KLRF1: variants seen among roughly 807,000 people sequenced by gnomAD.
KLRF1 encodes the protein killer cell lectin like receptor F1.
In KLRF1, 27 loss-of-function variants were observed where a neutral mutation model predicts 30.7. The observed-to-expected ratio is 0.88, with a 90% confidence interval of 0.65 to 1.21. The LOEUF is 1.21. Ranked by LOEUF, KLRF1 falls within the 50% of genes most tolerant of loss-of-function variation. KLRF1 has a pLI of 0.00. For missense variants in KLRF1, 246 were observed against 259.3 expected (o/e 0.95, Z 0.35); for synonymous variants, 92 against 89.3 (o/e 1.03, Z -0.17).
the KLRF1 span, among the ~76,000 whole-genome samples, chr12:9,816,547 CT>C: frequency 2.5e-3 from 353 of 143,318 alleles, no homozygotes; most frequent in East Asian, 0.011. Flanking sequence ...CAAGTAACTT[CT>C]TTTTTTTTTT....
chr12:9,830,769 A>G (rs1867402614), intron 1 of KLRF1, among the ~76,000 whole-genome samples: 1 of 151,914 alleles, frequency 6.6e-6, no homozygotes, highest in Admixed American at 6.6e-5. Flanking sequence ...TAATGTATTT[A>G]CCATTTTTGT....
chr12:9,842,198 G>A, intron 4 of KLRF1, 123 bp from the exon 5 acceptor site: 1 of 977,092 alleles, frequency 1.0e-6, no homozygotes, highest in East Asian at 2.6e-5. Context: ...GTATAAGTAA[G>A]ATATGAATTG....
chr12:9,834,619 T>C (rs925676695), intron 3 of KLRF1, among the ~76,000 whole-genome samples: 2 of 151,916 alleles, frequency 1.3e-5, no homozygotes, highest in African/African-American at 4.8e-5. Flanking sequence ...TTGGATGAAT[T>C]GAGAAACTAA....
At chr12:9,816,814 A>G in the KLRF1 span, among the ~76,000 whole-genome samples, 1 of 150,668 alleles carries the variant, frequency 6.6e-6, no homozygotes, top group African/African-American at 2.4e-5. Flanking sequence ...GCTCACTGCA[A>G]TCTCCGCCTC....
In KLRF1 at chr12:9,841,846, G is replaced by T. The variant is rs765136114; in HGVS notation, c.369G>T (p.Gly123=). ...AATCAGAATGGCTCAAATACCAAGG[G>T]AAGTGTTATTGGTTCTCTAATGAGA... ...LCQSEWLKYQ[G]KCYWFSNEMK... Residue 123 remains glycine (G), a synonymous_variant, in exon 4 of 6, where the codon GGG becomes GGT. Transcript: ENST00000617889. 7.5e-5 allele frequency: 121 copies of T among 1,608,370 alleles called. No individual in the cohort carries two copies. The highest frequency in any genetic ancestry group is 1.0e-4 in the Non-Finnish European group (119 of 1,175,566).
At position 9,844,471 on chromosome 12, in the gene KLRF1, G is replaced by T; in HGVS notation, c.641G>T (p.Ser214Ile). 6.2e-7 allele frequency: 1 copy of T among 1,611,358 alleles called. No homozygotes were observed. Among genetic ancestry groups the T allele is most frequent in the South Asian group, 1.1e-5 (1 of 90,972 alleles). The change falls in exon 6 of 6, where the codon AGC becomes ATC. Residue 214 changes from serine (S) to isoleucine (I), a missense_variant. By Grantham distance (142) the Ser-to-Ile change is moderately radical (BLOSUM62 -2). Transcript: ENST00000617889. ...KENSCAAIKESKIFSETCSSV... is the reference protein window; with the variant it reads ...KENSCAAIKEIKIFSETCSSV... ...AACAGCTGTGCTGCCATTAAGGAAA[G>T]CAAAATTTTCTCTGAAACCTGCAGC...
the KLRF1 span, among the ~76,000 whole-genome samples, chr12:9,805,114 G>A: frequency 6.6e-6 from 1 of 151,882 alleles, no homozygotes; most frequent in Non-Finnish European, 1.5e-5. Context: ...TTATCAGTGT[G>A]TTGTTGGCTT....
At chr12:9,811,338 A>AGC in the KLRF1 span, among the ~76,000 whole-genome samples, 1 of 149,128 alleles carries the variant, frequency 6.7e-6, no homozygotes, top group South Asian at 2.1e-4. Flanking sequence ...AAAAAAAAAG[A>AGC]GAGAAAACAT....
rs140407531 is a variant in KLRF1 at position 9,832,733 on chromosome 12, T to C, written c.184+319T>C. 4.3e-3 allele frequency among the ~76,000 whole-genome samples: 658 copies of C among 152,078 alleles called. 3 individuals carry two copies. Among genetic ancestry groups the C allele is most frequent in the African/African-American group, 0.015 (636 of 41,500 alleles). On this transcript the variant is annotated intron_variant, in intron 2 of 5. Transcript: ENST00000617889. ...ATTTGAAACAGTTTTTCTGTGTTTC[T>C]TGGATACTTTAATAGATAAAATTTT...
chr12:9,833,081 C>T (rs1437473071), intron 2 of KLRF1, among the ~76,000 whole-genome samples: 2 of 152,110 alleles, frequency 1.3e-5, no homozygotes, highest in East Asian at 3.9e-4. Flanking sequence ...GTAGGAATGC[C>T]TGGCATAGAA....
At chr12:9,842,487 C>T in intron 5 of KLRF1, 54 bp downstream of exon 5, 5 of 1,525,220 alleles carry the variant, frequency 3.3e-6, no homozygotes, top group Non-Finnish European at 3.6e-6. Flanking sequence ...GAATATGTCT[C>T]CTCCAGGTTC....
intron 1 of KLRF1, among the ~76,000 whole-genome samples, chr12:9,828,992 T>G (rs773952319): frequency 6.6e-6 from 1 of 152,324 alleles, no homozygotes; most frequent in African/African-American, 2.4e-5. Flanking sequence ...TAGCTAATAT[T>G]TATTAAAGCT....
At chr12:9,806,133 T>C in the KLRF1 span, among the ~76,000 whole-genome samples, 1 of 152,026 alleles carries the variant, frequency 6.6e-6, no homozygotes, top group South Asian at 2.1e-4. Context: ...AGGTTATTAT[T>C]TGAGATTTCT....
At chr12:9,825,718 C>T (rs756167284), upstream of KLRF1, among the ~76,000 whole-genome samples, 4 of 152,154 alleles carry the variant, frequency 2.6e-5, no homozygotes, top group Non-Finnish European at 4.4e-5. Context: ...AAACTATCAA[C>T]AGAGTGAACA....
At chr12:9,842,468 T>C (rs752874932) in intron 5 of KLRF1, 35 bp downstream of exon 5, 17 of 1,597,534 alleles carry the variant, frequency 1.1e-5, no homozygotes, top group Non-Finnish European at 1.4e-5. Flanking sequence ...TGATTTATTG[T>C]TTATTGTAGA....
the KLRF1 span, among the ~76,000 whole-genome samples, chr12:9,820,079 C>A: frequency 6.6e-6 from 1 of 152,198 alleles, no homozygotes; most frequent in East Asian, 1.9e-4. Flanking sequence ...TTTTTTATAG[C>A]AGTCACTGAT....
At chr12:9,843,988 G>A (rs554943175) in intron 5 of KLRF1, among the ~76,000 whole-genome samples, 6 of 151,970 alleles carry the variant, frequency 3.9e-5, no homozygotes, top group South Asian at 2.1e-4. Context: ...TGCACAGTTC[G>A]TTTTGTGTAT....
At chr12:9,810,160 G>T in the KLRF1 span, among the ~76,000 whole-genome samples, 2 of 152,112 alleles carry the variant, frequency 1.3e-5, no homozygotes, top group Non-Finnish European at 2.9e-5. Flanking sequence ...ATATTCAAGG[G>T]ACCATTATTT....
chr12:9,832,235 C>T, intron 1 of KLRF1, 81 bp from the exon 2 acceptor site: 1 of 736,898 alleles, frequency 1.4e-6, no homozygotes, highest in South Asian at 1.8e-5. Flanking sequence ...ATATTTTATA[C>T]AATCCTATTA....
Sources: allele counts gnomAD v4.1 joint callset (sites outside exome capture counted in the v4.1 genomes callset), GRCh38; gene constraint gnomAD v4.1.1; transcripts MANE v1.5; gene names NCBI Gene and HGNC (gene_info 2026-07-23, HGNC 2026-07-21).